Variants in STX17 observed in about 807,000 individuals in gnomAD.
STX17 encodes the protein syntaxin 17, also known as syntaxin-17.
In STX17, 29 loss-of-function variants were observed where a neutral mutation model predicts 35.9. That is an observed-to-expected ratio of 0.81 (90% CI 0.60 to 1.10). The LOEUF (loss-of-function observed/expected upper bound fraction) is 1.10, where lower values mean the gene tolerates loss of function less well. Among genes scored for constraint, STX17 ranks in the 50% least tolerant of loss-of-function variants. The pLI is 0.00. For missense variants in STX17, 312 were observed against 352.3 expected (o/e 0.89, Z 0.92); for synonymous variants, 92 against 118.3 (o/e 0.78, Z 1.44).
intron 2 of STX17, among the ~76,000 whole-genome samples, chr9:99,924,209 A>C (rs1276973758): frequency 6.6e-6 from 1 of 152,088 alleles, no homozygotes; most frequent in Non-Finnish European, 1.5e-5. Flanking sequence ...ATGACCCACA[A>C]TCAGTTTAGA....
At chr9:99,939,933 A>C (rs1829316401) in intron 3 of STX17, among the ~76,000 whole-genome samples, 1 of 152,134 alleles carries the variant, frequency 6.6e-6, no homozygotes, top group African/African-American at 2.4e-5. Context: ...CTCTACATGT[A>C]TTTTTTAAGT....
chr9:99,915,424 C>A, intron 2 of STX17, 62 bp downstream of exon 2: 2 of 1,512,456 alleles, frequency 1.3e-6, no homozygotes, highest in South Asian at 1.3e-5. Flanking sequence ...ATTGGTTGTT[C>A]ATTTCAGCTA....
intron 3 of STX17, among the ~76,000 whole-genome samples, chr9:99,940,571 C>T (rs1023229632): frequency 1.3e-5 from 2 of 151,282 alleles, no homozygotes; most frequent in Admixed American, 6.6e-5. Context: ...CTCCACCCCC[C>T]GGCTTCAAGC....
At chr9:99,953,944 A>G (rs1326251138) in intron 4 of STX17, 1 of 152,094 alleles carries the variant, frequency 6.6e-6, no homozygotes, top group Non-Finnish European at 1.5e-5. Flanking sequence ...ATTATTATTA[A>G]TAGAAAAAGG....
chr9:99,973,482 T>C lies in STX17; in HGVS notation c.*4809T>C, dbSNP rs1417204464. On this transcript the variant is annotated 3_prime_UTR_variant, in exon 8 of 8. Coordinates refer to ENST00000259400, the MANE Select transcript of STX17 (RefSeq NM_017919.3). ...AGTCCTAGTTTGGCTTTGTCTCTTGTAGCAGGATTTTTTAAATCAGGGGCA... is the reference window on the plus strand; with the variant it reads ...AGTCCTAGTTTGGCTTTGTCTCTTGCAGCAGGATTTTTTAAATCAGGGGCA... Among the ~76,000 whole-genome samples, 1 of 152,184 alleles carries C rather than the reference T, an allele frequency of 6.6e-6. No homozygotes were observed. The highest frequency in any genetic ancestry group is 1.9e-4 in the East Asian group (1 of 5,206).
chr9:99,954,771 A>C (rs1829674746), intron 4 of STX17, among the ~76,000 whole-genome samples: 1 of 152,114 alleles, frequency 6.6e-6, no homozygotes, highest in Admixed American at 6.6e-5. Context: ...ATTCAGAAGC[A>C]ATGTTGCCAC....
At chr9:99,923,320 T>C (rs1044868582) in intron 2 of STX17, among the ~76,000 whole-genome samples, 1 of 152,188 alleles carries the variant, frequency 6.6e-6, no homozygotes, top group African/African-American at 2.4e-5. Flanking sequence ...AGTAAAATTA[T>C]AATCTTCCTC....
chr9:99,916,084 T>C (rs1828763769), intron 2 of STX17: 1 of 455,750 alleles, frequency 2.2e-6, no homozygotes, highest in Admixed American at 2.4e-5. Flanking sequence ...CATTGTGAGA[T>C]ATGAGGGAAT....
chr9:99,914,778 A>G (rs1383431163), intron 1 of STX17, among the ~76,000 whole-genome samples: 1 of 152,226 alleles, frequency 6.6e-6, no homozygotes, highest in East Asian at 1.9e-4. Flanking sequence ...TTCAATGTCC[A>G]AGATAGATCA....
chr9:99,913,978 T>C (rs1182081677), intron 1 of STX17: 1 of 151,530 alleles, frequency 6.6e-6, no homozygotes, highest in African/African-American at 2.4e-5. Flanking sequence ...TTTTCTTTTT[T>C]TTTTTTTGTA....
At chr9:99,928,586 G>A (rs374690191) in intron 2 of STX17, among the ~76,000 whole-genome samples, 192 bp from the exon 3 acceptor site, 6 of 151,618 alleles carry the variant, frequency 4.0e-5, no homozygotes, top group South Asian at 4.2e-4. Flanking sequence ...TATAATTTCC[G>A]TAATTTTGTA....
At chr9:99,933,467 G>T (rs1027707426) in intron 3 of STX17, among the ~76,000 whole-genome samples, 2 of 152,114 alleles carry the variant, frequency 1.3e-5, no homozygotes, top group African/African-American at 4.8e-5. Context: ...ACACAGTCTT[G>T]TTGGGAAGTT....
intron 2 of STX17, among the ~76,000 whole-genome samples, chr9:99,924,239 C>T (rs980363138): frequency 1.3e-5 from 2 of 152,106 alleles, no homozygotes; most frequent in Non-Finnish European, 2.9e-5. Context: ...TTGGCAGGTT[C>T]GGAGGGCAGG....
At chr9:99,964,823 A>T (rs1033308346) in intron 6 of STX17, among the ~76,000 whole-genome samples, 3 of 152,132 alleles carry the variant, frequency 2.0e-5, no homozygotes, top group Non-Finnish European at 4.4e-5. Context: ...GCTGATGGTA[A>T]TTGACAACTC....
chr9:99,950,404 A>G (rs1339530183), intron 3 of STX17, among the ~76,000 whole-genome samples: 1 of 151,884 alleles, frequency 6.6e-6, no homozygotes, highest in Non-Finnish European at 1.5e-5. Context: ...ATAATATATT[A>G]ATATTAGTGT....
At chr9:99,956,005 T>G (rs1829701673) in intron 4 of STX17, among the ~76,000 whole-genome samples, 1 of 152,166 alleles carries the variant, frequency 6.6e-6, no homozygotes, top group Non-Finnish European at 1.5e-5. Flanking sequence ...CAAGCTGGAA[T>G]AAATGAATTA....
chr9:99,913,972 C>CTTTTTTTTTTT (rs111673894), intron 1 of STX17: 1 of 140,358 alleles, frequency 7.1e-6, no homozygotes, highest in Non-Finnish European at 1.5e-5. Flanking sequence ...CTTTTTTTTT[C>CTTTTTTTTTTT]TTTTTTTTTT....
chr9:99,959,402 A>G (rs1038771489), intron 4 of STX17, among the ~76,000 whole-genome samples: 2 of 150,526 alleles, frequency 1.3e-5, no homozygotes, highest in African/African-American at 4.9e-5. Flanking sequence ...AAAAAATTTT[A>G]GAAAAAAAAA....
chr9:99,918,883 G>T (rs957628723), intron 2 of STX17, among the ~76,000 whole-genome samples: 48 of 152,296 alleles, frequency 3.2e-4, no homozygotes, highest in African/African-American at 1.1e-3. Flanking sequence ...TGTGGCAGGG[G>T]TTGGGTGAGG....
Sources: allele counts gnomAD v4.1 joint callset (sites outside exome capture counted in the v4.1 genomes callset), GRCh38; gene constraint gnomAD v4.1.1; transcripts MANE v1.5; gene names NCBI Gene and HGNC (gene_info 2026-07-23, HGNC 2026-07-21).